The following NRG1 variants were observed in gnomAD, a reference collection of about 807,000 sequenced individuals.
NRG1 encodes neuregulin 1.
NRG1 carries 18 observed loss-of-function variants against 63.8 expected under a neutral mutation model. That is an observed-to-expected ratio of 0.28 (90% CI 0.19 to 0.42). NRG1 has a LOEUF of 0.42. NRG1 is among the 10% of genes least tolerant of loss of function. The pLI is 1.00. For missense variants in NRG1, 762 were observed against 814.7 expected (o/e 0.94, Z 0.79); for synonymous variants, 302 against 301.3 (o/e 1.00, Z -0.02).
chr8:32,748,577 T>C, intron 7 of NRG1: 1 of 358,034 alleles, frequency 2.8e-6, no homozygotes, highest in Non-Finnish European at 5.5e-6. Context: ...CTGGAGTCTC[T>C]GGAGTCCCAG....
chr8:32,198,266 C>T (rs1273167994), intron 1 of NRG1, among the ~76,000 whole-genome samples: 1 of 152,082 alleles, frequency 6.6e-6, no homozygotes, highest in Non-Finnish European at 1.5e-5. Context: ...CAACCTCTGC[C>T]TCCTGGGTCC....
chr8:31,732,627 C>T, intron 1 of NRG1, among the ~76,000 whole-genome samples: 1 of 152,134 alleles, frequency 6.6e-6, no homozygotes. Flanking sequence ...ACAGTGTCTC[C>T]TGCCTAGAAT....
chr8:32,094,653 A>G (rs1047630518), intron 1 of NRG1, among the ~76,000 whole-genome samples: 1 of 152,148 alleles, frequency 6.6e-6, no homozygotes, highest in African/African-American at 2.4e-5. Context: ...TATGTGTTTT[A>G]TCCTAATTTC....
chr8:31,695,418 C>T (rs1053600019), intron 1 of NRG1, among the ~76,000 whole-genome samples: 9 of 152,216 alleles, frequency 5.9e-5, no homozygotes, highest in African/African-American at 1.9e-4. Flanking sequence ...GATCTGCCTG[C>T]AGTGGCCTCC....
At chr8:31,843,712 C>T (rs1436202015) in intron 1 of NRG1, among the ~76,000 whole-genome samples, 1 of 152,204 alleles carries the variant, frequency 6.6e-6, no homozygotes, top group African/African-American at 2.4e-5. Context: ...AATCCCCAGT[C>T]ACTCTGCTTC....
At chr8:31,846,675 C>A (rs923045130) in intron 1 of NRG1, among the ~76,000 whole-genome samples, 1 of 152,140 alleles carries the variant, frequency 6.6e-6, no homozygotes, top group Non-Finnish European at 1.5e-5. Flanking sequence ...GCACACAATG[C>A]TGTAGGAATT....
intron 5 of NRG1, among the ~76,000 whole-genome samples, chr8:32,629,407 C>G (rs921401456): frequency 6.6e-6 from 1 of 152,074 alleles, no homozygotes; most frequent in Admixed American, 6.5e-5. Context: ...ATTCCCATAA[C>G]TTATTACTAT....
chr8:32,522,112 G>A (rs1318207473), intron 1 of NRG1, among the ~76,000 whole-genome samples: 1 of 152,128 alleles, frequency 6.6e-6, no homozygotes, highest in African/African-American at 2.4e-5. Flanking sequence ...CTCCATTCCA[G>A]AGAAAGAATC....
chr8:32,480,794 T>C (rs62500188), intron 1 of NRG1, among the ~76,000 whole-genome samples: 1 of 152,142 alleles, frequency 6.6e-6, no homozygotes, highest in East Asian at 1.9e-4. Flanking sequence ...TGCCACGCTC[T>C]TTTAAACAAC....
At chr8:31,968,892 A>T (rs762417021) in intron 1 of NRG1, among the ~76,000 whole-genome samples, 3 of 152,168 alleles carry the variant, frequency 2.0e-5, no homozygotes, top group Non-Finnish European at 4.4e-5. Context: ...CCTATACTAT[A>T]ACTGTGCCTT....
chr8:31,735,577 G>A (rs1814577994), intron 1 of NRG1, among the ~76,000 whole-genome samples: 1 of 152,128 alleles, frequency 6.6e-6, no homozygotes, highest in African/African-American at 2.4e-5. Flanking sequence ...CATTAAAAAT[G>A]ATAAGCACTT....
intron 1 of NRG1, among the ~76,000 whole-genome samples, chr8:31,897,503 G>T (rs1279366028): frequency 1.3e-5 from 2 of 152,116 alleles, no homozygotes; most frequent in African/African-American, 4.8e-5. Flanking sequence ...ATTCTGAAGA[G>T]AATCCCTTTC....
intron 1 of NRG1, among the ~76,000 whole-genome samples, chr8:31,969,794 A>G (rs1031961994): frequency 1.3e-5 from 2 of 152,096 alleles, no homozygotes; most frequent in African/African-American, 4.8e-5. Context: ...CTCCTTTAGG[A>G]TGTCTCTCTT....
Position 32,163,962 on chromosome 8 carries a change from G to T in NRG1, c.38-431866G>T, listed in dbSNP as rs552438249. On this transcript the variant is annotated intron_variant, in intron 1 of 10. Transcript: ENST00000519301. ...ACCACTGGCTCCTCTAACTGCCTCT[G>T]TGGCTTCAAATCCTGATGATGTCAA... is the stretch of plus-strand genomic sequence containing the variant. Among the ~76,000 whole-genome samples, 9 of 152,276 alleles carry T rather than the reference G, an allele frequency of 5.9e-5. No homozygotes were observed. The East Asian group carries it at 1.5e-3, about 26-fold the overall frequency.
At chr8:31,744,281 A>G (rs1056687141) in intron 1 of NRG1, among the ~76,000 whole-genome samples, 2 of 152,034 alleles carry the variant, frequency 1.3e-5, no homozygotes, top group African/African-American at 4.8e-5. Context: ...TCTATTGGGT[A>G]GGGACCAGAA....
chr8:32,304,036 A>T (rs2129533), intron 1 of NRG1, among the ~76,000 whole-genome samples: 1 of 152,120 alleles, frequency 6.6e-6, no homozygotes, highest in Non-Finnish European at 1.5e-5. Flanking sequence ...AAAAAAACTC[A>T]GAATATCAGG....
At chr8:32,666,698 A>T (rs1222187257) in intron 5 of NRG1, among the ~76,000 whole-genome samples, 1 of 152,172 alleles carries the variant, frequency 6.6e-6, no homozygotes, top group East Asian at 1.9e-4. Context: ...GTAGTGTCAG[A>T]TGTGTTCACA....
chr8:32,177,688 T>C (rs1318242853), intron 1 of NRG1, among the ~76,000 whole-genome samples: 1 of 151,916 alleles, frequency 6.6e-6, no homozygotes, highest in Middle Eastern at 3.2e-3. Flanking sequence ...ATGATTATAC[T>C]TAAATATTTT....
chr8:31,885,902 C>T (rs1830682854), intron 1 of NRG1, among the ~76,000 whole-genome samples: 2 of 152,050 alleles, frequency 1.3e-5, no homozygotes, highest in African/African-American at 2.4e-5. Flanking sequence ...GAAAGTCACA[C>T]TGCTGGGTAA....
Sources: gnomAD v4.1 joint callset for allele counts (sites outside exome capture counted in the v4.1 genomes callset) on GRCh38, gnomAD v4.1.1 for gene constraint, MANE v1.5 for transcripts, NCBI Gene and HGNC (gene_info 2026-07-23, HGNC 2026-07-21) for gene names.